The following SUB1 variants were observed in gnomAD, a reference collection of about 807,000 sequenced individuals.
The protein encoded by SUB1 is activated RNA polymerase II transcriptional coactivator p15.
In SUB1, 1 loss-of-function variant was observed where a neutral mutation model predicts 16.9. That is an observed-to-expected ratio of 0.06 (90% confidence interval 0.02 to 0.28). The LOEUF (loss-of-function observed/expected upper bound fraction) is 0.28, where lower values mean the gene tolerates loss of function less well. Ranked by LOEUF, SUB1 falls within the 10% of genes least tolerant of loss-of-function variation. SUB1 has a pLI of 1.00. For missense variants in SUB1, 84 were observed against 145.2 expected (o/e 0.58, Z 2.16); for synonymous variants, 51 against 46.9 (o/e 1.09, Z -0.36).
intron 3 of SUB1, chr5:32,594,527 A>G (rs1738906441): frequency 1.1e-5 from 5 of 442,648 alleles, no homozygotes; most frequent in South Asian, 7.9e-5. Flanking sequence ...GCAGGAGTCC[A>G]TAGAATTGTT....
intron 2 of SUB1, among the ~76,000 whole-genome samples, chr5:32,590,828 C>T (rs1738805505): frequency 7.6e-6 from 1 of 131,090 alleles, no homozygotes; most frequent in Admixed American, 8.6e-5. Context: ...AGTGCAATGG[C>T]ACGATCTCGG....
intron 3 of SUB1, among the ~76,000 whole-genome samples, chr5:32,592,712 GA>G (rs531710246): frequency 2.0e-5 from 3 of 149,044 alleles, no homozygotes; most frequent in East Asian, 2.0e-4. Flanking sequence ...GGATGTGATT[GA>G]AAAAAAAAAT....
At chr5:32,586,194 A>T (rs995990710) in intron 1 of SUB1, 2 of 152,104 alleles carry the variant, frequency 1.3e-5, no homozygotes, top group Admixed American at 1.3e-4. Context: ...CCCTCCGACC[A>T]ACCTGTCTCC....
chr5:32,596,102 T>G (rs188862381), intron 3 of SUB1: 2 of 152,242 alleles, frequency 1.3e-5, no homozygotes, highest in East Asian at 3.9e-4. Context: ...CAAAAATGAG[T>G]GGAGGTTAAC....
chr5:32,590,554 A>G (rs543090762), intron 2 of SUB1, among the ~76,000 whole-genome samples: 19 of 151,626 alleles, frequency 1.3e-4, no homozygotes, highest in African/African-American at 3.9e-4. Flanking sequence ...GCCCAGTGCA[A>G]AATAGCTCTC....
chr5:32,599,379 C>T (rs758724880), intron 4 of SUB1, among the ~76,000 whole-genome samples: 3 of 152,182 alleles, frequency 2.0e-5, no homozygotes, highest in Non-Finnish European at 4.4e-5. Flanking sequence ...TATCTGGGAA[C>T]TTGTAAAATC....
At chr5:32,586,180 CG>C (rs1246847937) in intron 1 of SUB1, 3 of 152,290 alleles carry the variant, frequency 2.0e-5, no homozygotes, top group Non-Finnish European at 4.4e-5. Context: ...CCGCCTCCCA[CG>C]CCCCCTCCGA....
At position 32,601,229 on chromosome 5, in the gene SUB1, G is replaced by A. The variant is rs891786563; in HGVS notation, c.*145G>A. On this transcript the variant is annotated 3_prime_UTR_variant, in exon 5 of 5. Coordinates refer to ENST00000265073, the MANE Select transcript of SUB1 (RefSeq NM_006713.4). ...TGTAAGATGAATACTTTTTTTTAAT[G>A]TGCATTATTAAAAATATTGAGTGAA... is the stretch of plus-strand genomic sequence containing the variant. The A allele has an allele frequency of 3.1e-6, 2 of 638,598 alleles. No individual in the cohort carries two copies. Among genetic ancestry groups the A allele is most frequent in the Admixed American group, 6.5e-5 (2 of 30,906 alleles). 39.6% of individuals were successfully genotyped at this position (638,598 alleles called of 1,614,324 possible). A position where few individuals can be genotyped will look rare whatever the true frequency, so the allele number is the denominator to read the frequency against.
intron 1 of SUB1, 115 bp from the exon 2 acceptor site, chr5:32,588,397 A>G (rs558011377): frequency 3.3e-6 from 3 of 906,442 alleles, no homozygotes; most frequent in Non-Finnish European, 5.0e-6. Flanking sequence ...TACCACAAAA[A>G]TGGTAGAATG....
At chr5:32,600,887 G>T in intron 4 of SUB1, 118 bp from the exon 5 acceptor site, 1 of 835,906 alleles carries the variant, frequency 1.2e-6, no homozygotes, top group South Asian at 1.4e-5. Context: ...TTACAGGTGT[G>T]AGCCACCGCG....
At position 32,602,562 on chromosome 5, in the gene SUB1, T is replaced by TA. The variant is rs1201442968; in HGVS notation, c.*1479dup. 6.0e-6 allele frequency: 1 copy of TA among 167,112 alleles called. No individual in the cohort carries two copies. Among genetic ancestry groups the TA allele is most frequent in the Non-Finnish European group, 1.3e-5 (1 of 76,216 alleles). 10.4% of individuals were successfully genotyped at this position (167,112 alleles called of 1,614,324 possible). A position where few individuals can be genotyped will look rare whatever the true frequency, so the allele number is the denominator to read the frequency against. ...TCATACATCTAAAACATTTTGTAGT[T>TA]ACTTGTCAAGGACTTAATTTGAAAA... On this transcript the variant is annotated 3_prime_UTR_variant, in exon 5 of 5. Transcript: ENST00000265073.
At chr5:32,594,883 A>G (rs148455480) in intron 3 of SUB1, 366 of 170,214 alleles carry the variant, frequency 2.2e-3, no homozygotes, top group African/African-American at 7.9e-3. Context: ...GTTAGGAACC[A>G]CTGCTTTATC....
At position 32,598,813 on chromosome 5, in the gene SUB1, T is replaced by C. The variant is rs1159744347; in HGVS notation, c.196-148T>C. 11 of 634,026 alleles carry C rather than the reference T, an allele frequency of 1.7e-5. 1 individual carries two copies. The highest frequency in any genetic ancestry group is 1.2e-4 in the South Asian group (6 of 48,104). 39.3% of individuals were successfully genotyped at this position (634,026 alleles called of 1,614,324 possible). On this transcript the variant is annotated intron_variant, in intron 3 of 4. Transcript: ENST00000265073. The stretch of plus-strand genomic sequence containing the variant: ...ATGCATATAAGTGGGACCTGCACAG[T>C]TCAGAGCCATGTTGTTCAAGGGTCA...
intron 3 of SUB1, chr5:32,596,383 G>C (rs1283215974): frequency 6.6e-6 from 1 of 152,050 alleles, no homozygotes; most frequent in African/African-American, 2.4e-5. Flanking sequence ...TTTTAAAAAA[G>C]GCTTTAGTGT....
intron 3 of SUB1, chr5:32,596,740 G>A (rs11952155): frequency 0.14 from 20,506 of 151,868 alleles, 3,514 homozygotes; most frequent in African/African-American, 0.4. Context: ...TTTTGACTCC[G>A]TTGTGTTCCA....
chr5:32,600,568 T>G (rs62368614), intron 4 of SUB1, among the ~76,000 whole-genome samples: 9,277 of 152,116 alleles, frequency 0.061, 413 homozygotes, highest in Non-Finnish European at 0.089. Context: ...ATGTAAGAGA[T>G]ATGATTTTCA....
chr5:32,589,528 A>T (rs909607165), intron 2 of SUB1, among the ~76,000 whole-genome samples: 1 of 152,236 alleles, frequency 6.6e-6, no homozygotes, highest in Non-Finnish European at 1.5e-5. Flanking sequence ...ATCAGCACGC[A>T]GTAAAGCTAA....
chr5:32,596,769 C>T (rs1738979238), intron 3 of SUB1: 1 of 152,102 alleles, frequency 6.6e-6, no homozygotes, highest in Non-Finnish European at 1.5e-5. Context: ...TTATGTCTGT[C>T]TTTACTCCAG....
intron 3 of SUB1, among the ~76,000 whole-genome samples, chr5:32,594,114 C>T (rs950307388): frequency 1.3e-5 from 2 of 152,166 alleles, no homozygotes; most frequent in Non-Finnish European, 2.9e-5. Context: ...ATAAGCAGTT[C>T]TCTAAATGTA....
Sources: allele counts gnomAD v4.1 joint callset (sites outside exome capture counted in the v4.1 genomes callset), GRCh38; gene constraint gnomAD v4.1.1; transcripts MANE v1.5; gene names NCBI Gene and HGNC (gene_info 2026-07-23, HGNC 2026-07-21).